Variants in WNT9B observed in about 807,000 individuals in gnomAD.
WNT9B encodes Wnt family member 9B.
A neutral mutation model predicts 30.2 loss-of-function variants in WNT9B; 12 were observed. That is an observed-to-expected ratio of 0.40 (90% CI 0.26 to 0.64). The LOEUF (loss-of-function observed/expected upper bound fraction) is 0.64. Ranked by LOEUF, WNT9B falls within the 30% of genes least tolerant of loss-of-function variation. The probability of loss-of-function intolerance (pLI) is 0.42; values close to 1 mark genes in which losing one functional copy is unlikely to be tolerated. For missense variants in WNT9B, 442 were observed against 485.2 expected (o/e 0.91, Z 0.84); for synonymous variants, 218 against 216.9 (o/e 1.01, Z -0.05).
chr17:46,885,071 C>T (rs2085472891), downstream of WNT9B: 1 of 440,532 alleles, frequency 2.3e-6, no homozygotes, highest in South Asian at 1.6e-5. Context: ...TCATCACAAC[C>T]TCCACCTCCC....
chr17:46,874,262 C>T (rs906031918), intron 2 of WNT9B, among the ~76,000 whole-genome samples: 7 of 152,162 alleles, frequency 4.6e-5, no homozygotes, highest in Non-Finnish European at 7.4e-5. Flanking sequence ...CTCAAGGTCA[C>T]TGTATCATTG....
At chr17:46,872,137 G>C (rs918483770) in intron 1 of WNT9B, among the ~76,000 whole-genome samples, 1 of 152,182 alleles carries the variant, frequency 6.6e-6, no homozygotes, top group Non-Finnish European at 1.5e-5. Context: ...AAGCTGCCTA[G>C]GGACTGTGGT....
intron 1 of WNT9B, among the ~76,000 whole-genome samples, chr17:46,862,158 C>G (rs141156759): frequency 2.4e-5 from 3 of 123,102 alleles, no homozygotes; most frequent in Non-Finnish European, 4.8e-5. Context: ...AGTGAAACTC[C>G]GTCTCAAAAA....
In WNT9B at chr17:46,878,450, T is replaced by C. The variant is rs73316355; in HGVS notation, c.*1732T>C. On this transcript the variant is annotated 3_prime_UTR_variant, in exon 4 of 4. Coordinates refer to ENST00000290015, the MANE Select transcript of WNT9B (RefSeq NM_003396.3). ...GTCTGCTGGATGCTGGAAGGATTTT[T>C]GACTGCAGAGGCCCGGCTGAGAAGC... 6.8e-3 allele frequency among the ~76,000 whole-genome samples: 1,030 copies of C among 152,306 alleles called. 12 individuals carry two copies. The highest frequency in any genetic ancestry group is 0.023 in the African/African-American group (958 of 41,558).
At position 46,874,865 on chromosome 17, in the gene WNT9B, A is replaced by C. The variant is rs1414840178; in HGVS notation, c.335-236A>C. On this transcript the variant is annotated intron_variant, in intron 2 of 3. Coordinates refer to ENST00000290015, the MANE Select transcript of WNT9B (RefSeq NM_003396.3). ...AGTGCTGGGATTAGGGGCACGAGCC[A>C]CTGTGCCCAGCCTGGAAGTTCCATT... 4.6e-6 allele frequency: 3 copies of C among 656,658 alleles called. No individual in the cohort carries two copies. The Admixed American group carries it at 7.2e-5, about 16-fold the overall frequency. The allele number at this position is 656,658 out of a possible 1,614,324, so 40.7% of individuals were successfully genotyped here.
intron 1 of WNT9B, among the ~76,000 whole-genome samples, chr17:46,855,252 C>G (rs1288280697): frequency 6.6e-6 from 1 of 152,212 alleles, no homozygotes; most frequent in African/African-American, 2.4e-5. Flanking sequence ...AGCCTCCCTT[C>G]CCTGCTTAAT....
At chr17:46,835,397 G>C (rs758232196) in intron 1 of WNT9B, among the ~76,000 whole-genome samples, 8 of 152,224 alleles carry the variant, frequency 5.3e-5, no homozygotes, top group Admixed American at 3.9e-4. Flanking sequence ...ATTTTTATTA[G>C]AGACAGGGTT....
At chr17:46,838,738 A>G (rs1382074475) in intron 1 of WNT9B, among the ~76,000 whole-genome samples, 1 of 152,212 alleles carries the variant, frequency 6.6e-6, no homozygotes, top group Non-Finnish European at 1.5e-5. Flanking sequence ...TTTAATAAGC[A>G]TATATCAGCC....
intron 1 of WNT9B, among the ~76,000 whole-genome samples, chr17:46,861,262 C>T (rs956131955): frequency 6.6e-6 from 1 of 152,190 alleles, no homozygotes; most frequent in African/African-American, 2.4e-5. Flanking sequence ...TTCAGGTGCT[C>T]AGGTCTTCAA....
chr17:46,865,320 C>A (rs1204007150), intron 1 of WNT9B, among the ~76,000 whole-genome samples: 2 of 152,236 alleles, frequency 1.3e-5, no homozygotes, highest in East Asian at 3.9e-4. Flanking sequence ...CTGCAGGCAG[C>A]CTGGTCTGCG....
intron 1 of WNT9B, among the ~76,000 whole-genome samples, chr17:46,856,357 A>G (rs936904463): frequency 3.3e-5 from 5 of 152,214 alleles, no homozygotes; most frequent in African/African-American, 9.7e-5. Flanking sequence ...CTCTCAGTGG[A>G]TGCTGGGGTT....
chr17:46,867,527 G>A, intron 1 of WNT9B, among the ~76,000 whole-genome samples: 1 of 152,232 alleles, frequency 6.6e-6, no homozygotes, highest in Non-Finnish European at 1.5e-5. Context: ...AGATCCTTGG[G>A]CCCCACTCTC....
At chr17:46,865,500 G>A (rs1211937507) in intron 1 of WNT9B, among the ~76,000 whole-genome samples, 2 of 152,176 alleles carry the variant, frequency 1.3e-5, no homozygotes, top group Non-Finnish European at 2.9e-5. Flanking sequence ...GATGGAGGGT[G>A]AGAGCTGGGT....
chr17:46,835,876 C>T (rs905253034), intron 1 of WNT9B, among the ~76,000 whole-genome samples: 1 of 152,238 alleles, frequency 6.6e-6, no homozygotes, highest in African/African-American at 2.4e-5. Flanking sequence ...GAGCTACCTT[C>T]ACTAAAGAAG....
Position 46,880,431 on chromosome 17 carries a change from A to T in WNT9B, c.*3713A>T, listed in dbSNP as rs1384310248. Among the ~76,000 whole-genome samples the T allele has an allele frequency of 6.6e-6, 1 of 152,228 alleles. No homozygotes were observed. Among genetic ancestry groups the T allele is most frequent in the African/African-American group, 2.4e-5 (1 of 41,446 alleles). ...ACCAATGATTATTTAGGGATCTCTT[A>T]TTGAGCACCAGGCAGCATCCTGGGT... is the stretch of plus-strand genomic sequence containing the variant. On this transcript the variant is annotated 3_prime_UTR_variant, in exon 4 of 4. Coordinates refer to ENST00000290015, the MANE Select transcript of WNT9B (RefSeq NM_003396.3).
At chr17:46,882,763 C>T (rs149544032), downstream of WNT9B, among the ~76,000 whole-genome samples, 4 of 152,278 alleles carry the variant, frequency 2.6e-5, no homozygotes, top group Non-Finnish European at 5.9e-5. Context: ...GCACGAGGCA[C>T]GTGACAGGGT....
rs551824924 is a variant in WNT9B, at chr17:46,856,712, G to GACCTCAGGTGATCCACCC, written c.77+5005_77+5022dup. 8.4e-3 allele frequency among the ~76,000 whole-genome samples: 1,283 copies of GACCTCAGGTGATCCACCC among 152,216 alleles called. 17 individuals carry two copies. Among genetic ancestry groups the GACCTCAGGTGATCCACCC allele is most frequent in the African/African-American group, 0.029 (1,199 of 41,502 alleles). On this transcript the variant is annotated intron_variant, in intron 1 of 3. Coordinates refer to ENST00000290015, the MANE Select transcript of WNT9B (RefSeq NM_003396.3). ...TTGGCCAAGCAGGTCTCAAACTCCT[G>GACCTCAGGTGATCCACCC]ACCTCAGGTGATCCACCCACCTCAG...
At chr17:46,870,435 G>T (rs1295056223) in intron 1 of WNT9B, among the ~76,000 whole-genome samples, 1 of 152,176 alleles carries the variant, frequency 6.6e-6, no homozygotes, top group Non-Finnish European at 1.5e-5. Context: ...AGACCTGGTG[G>T]ACTGGAAAAT....
At chr17:46,872,807 G>A in intron 2 of WNT9B, 34 bp downstream of exon 2, 1 of 1,479,398 alleles carries the variant, frequency 6.8e-7, no homozygotes, top group Non-Finnish European at 9.3e-7. Flanking sequence ...GGGAGGGCTG[G>A]GGGAAGAAGC....
Sources: allele counts gnomAD v4.1 joint callset (sites outside exome capture counted in the v4.1 genomes callset), GRCh38; gene constraint gnomAD v4.1.1; transcripts MANE v1.5; gene names NCBI Gene and HGNC (gene_info 2026-07-23, HGNC 2026-07-21).